Variants in SYT1 observed in about 807,000 individuals in gnomAD.
SYT1 encodes synaptotagmin-1.
Under a neutral mutation model 44.8 loss-of-function variants are expected in SYT1, and 8 were observed. The ratio of observed to expected loss-of-function variants is 0.18; its 90% CI spans 0.10 to 0.32. SYT1 has a LOEUF of 0.32. Ranked by LOEUF, SYT1 falls within the 10% of genes least tolerant of loss-of-function variation. SYT1 has a pLI of 1.00. For missense variants in SYT1, 286 were observed against 509.3 expected (o/e 0.56, Z 4.22); for synonymous variants, 154 against 188.8 (o/e 0.82, Z 1.51).
chr12:79,406,888 T>A (rs765649708), intron 9 of SYT1, among the ~76,000 whole-genome samples: 1 of 152,164 alleles, frequency 6.6e-6, no homozygotes. Context: ...TTTTTATTAC[T>A]GCAGCCATTA....
intron 3 of SYT1, among the ~76,000 whole-genome samples, chr12:79,122,578 A>T (rs940536323): frequency 2.3e-4 from 35 of 151,426 alleles, no homozygotes; most frequent in African/African-American, 8.5e-4. Context: ...ACTAGTTATT[A>T]AAAATTTCCA....
intron 3 of SYT1, among the ~76,000 whole-genome samples, chr12:79,147,715 G>A (rs909448305): frequency 6.6e-6 from 1 of 152,066 alleles, no homozygotes; most frequent in African/African-American, 2.4e-5. Context: ...CTGACACAAA[G>A]GAACTGTTAT....
chr12:78,876,763 T>C (rs1475393954), intron 1 of SYT1, among the ~76,000 whole-genome samples: 69 of 66,266 alleles, frequency 1.0e-3, no homozygotes, highest in African/African-American at 5.4e-3. Context: ...ATATTATATA[T>C]ATTATATATT....
At chr12:79,087,226 C>A (rs547141508) in intron 3 of SYT1, among the ~76,000 whole-genome samples, 1 of 152,158 alleles carries the variant, frequency 6.6e-6, no homozygotes, top group South Asian at 2.1e-4. Flanking sequence ...CTGTGACTTT[C>A]ATTGCAAATG....
chr12:79,019,926 C>T (rs112052977), intron 2 of SYT1, among the ~76,000 whole-genome samples: 2,406 of 151,952 alleles, frequency 0.016, 47 homozygotes, highest in Admixed American at 0.069. Context: ...TTGTGTGATA[C>T]ACTGCACCAC....
At chr12:79,036,486 C>T (rs1042006290) in intron 2 of SYT1, 1 of 151,752 alleles carries the variant, frequency 6.6e-6, no homozygotes, top group Non-Finnish European at 1.5e-5. Context: ...AAACTCCTAC[C>T]ATTTTGTAGC....
intron 3 of SYT1, among the ~76,000 whole-genome samples, chr12:79,088,690 A>T (rs1877553676): frequency 6.6e-6 from 1 of 151,846 alleles, no homozygotes; most frequent in Non-Finnish European, 1.5e-5. Context: ...GCAAACATGG[A>T]GAGAACAGAA....
At chr12:78,905,495 T>A (rs956811505) in intron 1 of SYT1, among the ~76,000 whole-genome samples, 1 of 152,086 alleles carries the variant, frequency 6.6e-6, no homozygotes, top group Admixed American at 6.6e-5. Flanking sequence ...CTCACTAATA[T>A]CAGCTTTACA....
At chr12:78,932,672 C>G (rs1379914657) in intron 1 of SYT1, among the ~76,000 whole-genome samples, 1 of 152,186 alleles carries the variant, frequency 6.6e-6, no homozygotes, top group South Asian at 2.1e-4. Flanking sequence ...ATCTGACTCT[C>G]CTTGTAATTT....
At chr12:79,253,625 G>A (rs543906050) in intron 4 of SYT1, among the ~76,000 whole-genome samples, 38 of 152,108 alleles carry the variant, frequency 2.5e-4, no homozygotes, top group African/African-American at 8.4e-4. Context: ...GAAAGGAAGA[G>A]TCTTGTGTCT....
At chr12:79,026,284 C>T (rs1488656343) in intron 2 of SYT1, among the ~76,000 whole-genome samples, 1 of 151,414 alleles carries the variant, frequency 6.6e-6, no homozygotes, top group Admixed American at 6.6e-5. Flanking sequence ...AAGTACAGTA[C>T]ACAGTTATTA....
chr12:79,293,896 A>C (rs1879758124), intron 6 of SYT1, among the ~76,000 whole-genome samples: 1 of 152,170 alleles, frequency 6.6e-6, no homozygotes. Flanking sequence ...TACATCTGAT[A>C]TTTGTGGTCA....
At chr12:79,309,969 CTG>C (rs1172675964) in intron 8 of SYT1, among the ~76,000 whole-genome samples, 1 of 152,038 alleles carries the variant, frequency 6.6e-6, no homozygotes, top group Non-Finnish European at 1.5e-5. Context: ...TGTAGGTTGC[CTG>C]TTCACTCTGA....
At chr12:78,916,613 A>G (rs75746211) in intron 1 of SYT1, among the ~76,000 whole-genome samples, 3,161 of 152,066 alleles carry the variant, frequency 0.021, 119 homozygotes, top group African/African-American at 0.072. Flanking sequence ...TAAAATAAGC[A>G]AAGTATCCTT....
intron 4 of SYT1, among the ~76,000 whole-genome samples, chr12:79,281,517 C>T (rs547212346): frequency 2.6e-5 from 4 of 152,016 alleles, no homozygotes; most frequent in East Asian, 3.9e-4. Flanking sequence ...GTATAATGAA[C>T]ACTGGAGACT....
intron 2 of SYT1, among the ~76,000 whole-genome samples, chr12:79,018,355 A>AG (rs1449283211): frequency 6.2e-5 from 6 of 96,490 alleles, no homozygotes; most frequent in African/African-American, 2.0e-4. Flanking sequence ...GGGGTAGGGG[A>AG]GGGGGGAGGG....
chr12:79,119,756 A>T (rs2138127471), intron 3 of SYT1, among the ~76,000 whole-genome samples: 1 of 152,302 alleles, frequency 6.6e-6, no homozygotes, highest in Non-Finnish European at 1.5e-5. Context: ...GAACATTTCA[A>T]ATCATTTTGG....
intron 6 of SYT1, among the ~76,000 whole-genome samples, chr12:79,293,156 CAAAAAAA>C (rs746607482): frequency 9.3e-6 from 1 of 107,342 alleles, no homozygotes; most frequent in African/African-American, 3.7e-5. Flanking sequence ...ACAAAAAATA[CAAAAAAA>C]AAAAAAAAAA....
At chr12:79,109,763 A>G (rs1387503450) in intron 3 of SYT1, among the ~76,000 whole-genome samples, 1 of 152,228 alleles carries the variant, frequency 6.6e-6, no homozygotes, top group Non-Finnish European at 1.5e-5. Context: ...TGAATCCAAT[A>G]TCTGAAGCTT....
Sources: allele counts gnomAD v4.1 joint callset (sites outside exome capture counted in the v4.1 genomes callset), GRCh38; gene constraint gnomAD v4.1.1; transcripts MANE v1.5; gene names NCBI Gene and HGNC (gene_info 2026-07-23, HGNC 2026-07-21).